Variants in TRIO observed in about 807,000 individuals in gnomAD.
TRIO encodes the protein trio Rho guanine nucleotide exchange factor.
In TRIO, 58 loss-of-function variants were observed where a neutral mutation model predicts 351.9. That is an observed-to-expected ratio of 0.16 (90% CI 0.13 to 0.21). The LOEUF is 0.21. TRIO is among the 10% of genes least tolerant of loss of function. The pLI is 1.00. For synonymous variants in TRIO, 1,758 were observed against 1,595.7 expected (o/e 1.10, Z -2.42); for missense variants, 3,201 against 4,027.8 (o/e 0.79, Z 5.56).
chr5:14,291,897 A>G (rs1271569635), intron 5 of TRIO, among the ~76,000 whole-genome samples: 1 of 152,036 alleles, frequency 6.6e-6, no homozygotes, highest in East Asian at 1.9e-4. Flanking sequence ...AAGATGAGTA[A>G]TGTGTTAAAA....
intron 31 of TRIO, among the ~76,000 whole-genome samples, chr5:14,403,987 G>A (rs1036665801): frequency 1.4e-5 from 2 of 147,682 alleles, no homozygotes; most frequent in East Asian, 2.0e-4. Flanking sequence ...TGGTGAGGGT[G>A]CAGGTTGTGG....
chr5:14,488,089 C>T lies in TRIO; in HGVS notation c.7461C>T (p.Ser2487=), dbSNP rs781171798. The change falls in exon 48 of 57, where the codon AGC becomes AGT. Residue 2487 remains serine (S), a synonymous_variant. Coordinates refer to ENST00000344204, the MANE Select transcript of TRIO (RefSeq NM_007118.4). Reference sequence around the variant, plus strand: ...TGCAGAAGGGGGGCTCCTTCTGGAGCTCCATCCCCGCCTCCCCCGCCAGCC... The same window carrying T: ...TGCAGAAGGGGGGCTCCTTCTGGAGTTCCATCCCCGCCTCCCCCGCCAGCC... ...SPLQKGGSFW[S]SIPASPASRP... 1.2e-6 allele frequency: 2 copies of T among 1,604,294 alleles called. No homozygotes were observed. Among genetic ancestry groups the T allele is most frequent in the Admixed American group, 1.7e-5 (1 of 59,534 alleles).
chr5:14,437,699 CA>C (rs60223754), intron 34 of TRIO, among the ~76,000 whole-genome samples: 12 of 144,526 alleles, frequency 8.3e-5, no homozygotes, highest in Non-Finnish European at 3.0e-5. Flanking sequence ...CCCCCCGCCC[CA>C]AGGACCTCAT....
At chr5:14,277,932 T>C (rs1161839075) in intron 2 of TRIO, among the ~76,000 whole-genome samples, 2 of 152,212 alleles carry the variant, frequency 1.3e-5, no homozygotes, top group Non-Finnish European at 2.9e-5. Context: ...AGCAGGGAGA[T>C]TAGCATGTGA....
intron 24 of TRIO, among the ~76,000 whole-genome samples, 177 bp from the exon 25 acceptor site, chr5:14,389,112 A>AT (rs1305378178): frequency 6.6e-6 from 1 of 152,252 alleles, no homozygotes; most frequent in Non-Finnish European, 1.5e-5. Context: ...CCTCTCAAGT[A>AT]TTAACAGCAA....
intron 4 of TRIO, among the ~76,000 whole-genome samples, chr5:14,289,031 T>A (rs1736684343): frequency 6.6e-6 from 1 of 151,802 alleles, no homozygotes; most frequent in African/African-American, 2.4e-5. Context: ...TGCTTGAGGC[T>A]GGGAGTTCGA....
At chr5:14,351,808 C>T (rs1273532111) in intron 11 of TRIO, among the ~76,000 whole-genome samples, 1 of 152,184 alleles carries the variant, frequency 6.6e-6, no homozygotes, top group Non-Finnish European at 1.5e-5. Flanking sequence ...GCTTGTACCC[C>T]ACTGGGGAGC....
chr5:14,345,196 A>G (rs550577064), intron 11 of TRIO, among the ~76,000 whole-genome samples: 44 of 152,220 alleles, frequency 2.9e-4, no homozygotes, highest in Non-Finnish European at 5.7e-4. Context: ...AAGTAGAGAA[A>G]AGTTTTATGC....
At chr5:14,507,323 C>T in intron 56 of TRIO, 63 bp downstream of exon 56, 1 of 1,590,270 alleles carries the variant, frequency 6.3e-7, no homozygotes. Flanking sequence ...ATGCGGGACA[C>T]AGAGCCCCCT....
chr5:14,235,152 C>T (rs911542231), intron 1 of TRIO, among the ~76,000 whole-genome samples: 1 of 152,146 alleles, frequency 6.6e-6, no homozygotes, highest in African/African-American at 2.4e-5. Flanking sequence ...TTACCCTACC[C>T]ATCCTGGCAT....
At chr5:14,503,846 C>G (rs1357290415) in intron 54 of TRIO, among the ~76,000 whole-genome samples, 1 of 152,238 alleles carries the variant, frequency 6.6e-6, no homozygotes, top group African/African-American at 2.4e-5. Context: ...AGCCCAGGCC[C>G]CCACCTGAGG....
At chr5:14,152,785 C>G (rs573801321) in intron 1 of TRIO, among the ~76,000 whole-genome samples, 2 of 152,212 alleles carry the variant, frequency 1.3e-5, no homozygotes, top group Non-Finnish European at 2.9e-5. Flanking sequence ...TCAGGCTGTA[C>G]CTTTTACTCA....
At chr5:14,219,974 A>AT (rs34731809) in intron 1 of TRIO, among the ~76,000 whole-genome samples, 58,043 of 129,192 alleles carry the variant, frequency 0.45, 14,388 homozygotes, top group Non-Finnish European at 0.56. Flanking sequence ...ATGTACAGGC[A>AT]TTTTTTTTTT....
At chr5:14,253,079 T>C (rs1213665952) in intron 1 of TRIO, among the ~76,000 whole-genome samples, 1 of 152,238 alleles carries the variant, frequency 6.6e-6, no homozygotes, top group Non-Finnish European at 1.5e-5. Flanking sequence ...TCTGATCATA[T>C]CACTGTTACT....
At chr5:14,371,566 T>C (rs182524296) in intron 18 of TRIO, among the ~76,000 whole-genome samples, 1 of 152,232 alleles carries the variant, frequency 6.6e-6, no homozygotes, top group Admixed American at 6.5e-5. Flanking sequence ...CATTATCATA[T>C]CTTTAAAATT....
chr5:14,258,408 C>T (rs30604), intron 1 of TRIO, among the ~76,000 whole-genome samples: 26,016 of 152,124 alleles, frequency 0.17, 2,485 homozygotes, highest in East Asian at 0.37. Context: ...TTTAAATGTC[C>T]TTACTGCACT....
chr5:14,182,545 C>G (rs1561173610), intron 1 of TRIO, among the ~76,000 whole-genome samples: 1 of 152,184 alleles, frequency 6.6e-6, no homozygotes, highest in Non-Finnish European at 1.5e-5. Flanking sequence ...ATGACAGTAT[C>G]AATTCTATGC....
intron 7 of TRIO, among the ~76,000 whole-genome samples, chr5:14,299,204 C>A (rs1422420509): frequency 6.6e-6 from 1 of 152,040 alleles, no homozygotes; most frequent in Non-Finnish European, 1.5e-5. Context: ...TTGAAAGAGC[C>A]TGGGGTATTC....
intron 34 of TRIO, among the ~76,000 whole-genome samples, chr5:14,446,300 G>A (rs1320479173): frequency 2.0e-5 from 3 of 152,088 alleles, no homozygotes; most frequent in South Asian, 4.2e-4. Context: ...GAGAGACAGC[G>A]TTTGAACCCC....
Sources: gnomAD v4.1 joint callset for allele counts (sites outside exome capture counted in the v4.1 genomes callset) on GRCh38, gnomAD v4.1.1 for gene constraint, MANE v1.5 for transcripts, NCBI Gene and HGNC (gene_info 2026-07-23, HGNC 2026-07-21) for gene names.